Variants in NOL9 observed in about 807,000 individuals in gnomAD.
NOL9 encodes the protein nucleolar protein 9.
A neutral mutation model predicts 67.9 loss-of-function variants in NOL9; 28 were observed. The observed-to-expected ratio is 0.41, with a 90% confidence interval of 0.31 to 0.57. NOL9 has a LOEUF of 0.57. NOL9 is among the 20% of genes least tolerant of loss of function. The pLI is 0.25. For synonymous variants in NOL9, 356 were observed against 352.2 expected, an observed-to-expected ratio of 1.01 and a Z score of -0.12; for missense variants, 777 against 897.0, an observed-to-expected ratio of 0.87 and a Z score of 1.71.
At chr1:6,535,231 T>C (rs946769948) in intron 6 of NOL9, among the ~76,000 whole-genome samples, 2 of 152,136 alleles carry the variant, frequency 1.3e-5, no homozygotes, top group Non-Finnish European at 2.9e-5. Flanking sequence ...ACTGAGGGGA[T>C]CTAGAAACAA....
intron 6 of NOL9, among the ~76,000 whole-genome samples, chr1:6,535,100 G>A (rs1228621170): frequency 2.6e-5 from 4 of 152,164 alleles, no homozygotes; most frequent in South Asian, 4.1e-4. Context: ...ATGAAGCACC[G>A]TGCCTGGTTT....
Position 6,554,470 on chromosome 1 carries a change from A to G in NOL9, c.33T>C (p.Gly11=). 6.5e-7 allele frequency: 1 copy of G among 1,549,734 alleles called. No individual in the cohort carries two copies. The highest frequency in any genetic ancestry group is 8.6e-7 in the Non-Finnish European group (1 of 1,160,460). Residue 11 remains glycine, a synonymous_variant, in exon 1 of 12, where the codon GGT becomes GGC. Transcript: ENST00000377705. ...CCCGCAGCCAAGTGGAACGGCAGGA[A>G]CCCCGCTTTAGCAGCAGTCCCGAGT... MADSGLLLKR[G]SCRSTWLRVR...
chr1:6,530,816 T>C (rs1172489435), intron 9 of NOL9, among the ~76,000 whole-genome samples: 1 of 152,224 alleles, frequency 6.6e-6, no homozygotes, highest in East Asian at 1.9e-4. Context: ...CTTCGCAGAG[T>C]GCCTGGCACA....
At chr1:6,540,372 T>A (rs754230265) in intron 6 of NOL9, among the ~76,000 whole-genome samples, 9 of 152,076 alleles carry the variant, frequency 5.9e-5, no homozygotes, top group Non-Finnish European at 1.3e-4. Flanking sequence ...TCCACCCGCC[T>A]TGGTCTCCCA....
In NOL9 at chr1:6,554,276, C is replaced by G; in HGVS notation, c.227G>C (p.Arg76Pro). 4.1e-6 allele frequency: 6 copies of G among 1,473,590 alleles called. No individual in the cohort carries two copies. Among genetic ancestry groups the G allele is most frequent in the South Asian group, 4.0e-5 (3 of 74,196 alleles). 91.3% of individuals were successfully genotyped at this position (1,473,590 alleles called of 1,614,324 possible). The change falls in exon 1 of 12, where the codon CGG (arginine) becomes CCG (proline). Residue 76 changes from arginine (R) to proline (P), a missense_variant. Coordinates refer to ENST00000377705, the MANE Select transcript of NOL9 (RefSeq NM_024654.5). ...ARQVSRAAAA[R>P]RPNTATPSPI... ...GCTGGGGGTCGCGGTGTTGGGTCTC[C>G]GGGCCGCCGCCGCGCGCGACACCTG... is the stretch of plus-strand genomic sequence containing the variant.
chr1:6,549,084 AAACAAAG>A (rs1639484809), intron 3 of NOL9, among the ~76,000 whole-genome samples: 1 of 151,960 alleles, frequency 6.6e-6, no homozygotes. Context: ...GTCCATCTCA[AAACAAAG>A]AACAAAAAAA....
chr1:6,532,794 C>T (rs747817018), intron 7 of NOL9, 34 bp from the exon 8 acceptor site: 1 of 1,571,326 alleles, frequency 6.4e-7, no homozygotes, highest in South Asian at 1.2e-5. Flanking sequence ...AGCTGATACA[C>T]TCAAGAACAG....
chr1:6,545,269 C>CTTG, intron 3 of NOL9, 89 bp from the exon 4 acceptor site: 1 of 1,326,952 alleles, frequency 7.5e-7, no homozygotes, highest in Non-Finnish European at 1.0e-6. Context: ...AGTTGTGAGC[C>CTTG]AGAGAAGATA....
chr1:6,552,835 G>A (rs1639572297), intron 1 of NOL9, among the ~76,000 whole-genome samples: 1 of 151,302 alleles, frequency 6.6e-6, no homozygotes, highest in Non-Finnish European at 1.5e-5. Flanking sequence ...CTTTCGAGAC[G>A]GAGTCTCACT....
At position 6,532,506 on chromosome 1, in the gene NOL9, C is replaced by T; in HGVS notation, c.1492G>A (p.Gly498Ser). The T allele has an allele frequency of 6.2e-7, 1 of 1,614,116 alleles. No homozygotes were observed. Among genetic ancestry groups the T allele is most frequent in the Middle Eastern group, 1.6e-4 (1 of 6,062 alleles). The change falls in exon 8 of 12, where the codon GGT (glycine) becomes AGT (serine). Residue 498 changes from glycine (G) to serine (S), a missense_variant. Physicochemically the swap from Gly to Ser is moderately conservative, Grantham distance 56. Transcript: ENST00000377705. Reference sequence around the variant, plus strand: ...CTGAATGCAAAGTCTGTATAAACACCTATCAGTTTATGTCCAGTGAACTCA... The same window carrying T: ...CTGAATGCAAAGTCTGTATAAACACTTATCAGTTTATGTCCAGTGAACTCA... ...PVEFTGHKLI[G>S]VYTDFAFRIT...
chr1:6,554,493 A>G lies in NOL9; in HGVS notation c.10T>C (p.Ser4Pro). MADSGLLLKRGSCR... is the reference protein window; with the variant it reads MADPGLLLKRGSCR... ...GAACCCCGCTTTAGCAGCAGTCCCG[A>G]GTCCGCCATGCTGGGTCCTCAGGGC... Residue 4 changes from serine (S) to proline (P), a missense_variant, in exon 1 of 12, where the codon TCG becomes CCG. By Grantham distance (74) the Ser-to-Pro change is moderately conservative. Around this residue, in one of 2 missense-constraint regions of NOL9, gnomAD observed 364 missense variants for 344.4 expected, o/e 1.06. Coordinates refer to ENST00000377705, the MANE Select transcript of NOL9 (RefSeq NM_024654.5). 1 of 1,541,416 alleles carries G rather than the reference A, an allele frequency of 6.5e-7. No individual in the cohort carries two copies. Among genetic ancestry groups the G allele is most frequent in the South Asian group, 1.2e-5 (1 of 85,052 alleles).
chr1:6,529,321 T>A, intron 9 of NOL9, 150 bp from the exon 10 acceptor site: 1 of 721,276 alleles, frequency 1.4e-6, no homozygotes, highest in Non-Finnish European at 2.3e-6. Context: ...CCAGGCACAG[T>A]GGCTCACGCA....
Position 6,521,563 on chromosome 1 carries a change from G to T in NOL9, c.*4291C>A, listed in dbSNP as rs1228060016. 6.6e-6 allele frequency: 1 copy of T among 152,188 alleles called. No homozygotes were observed. Among genetic ancestry groups the T allele is most frequent in the East Asian group, 1.9e-4 (1 of 5,202 alleles). The allele number at this position is 152,188 out of a possible 1,614,324, so 9.4% of individuals were successfully genotyped here. On this transcript the variant is annotated 3_prime_UTR_variant, in exon 12 of 12. Coordinates refer to ENST00000377705, the MANE Select transcript of NOL9 (RefSeq NM_024654.5). ...AAAATTTTAAAAGCAACAAGTGGGG[G>T]TTTATGAAAAACTTTCAGGAATGGG...
intron 6 of NOL9, among the ~76,000 whole-genome samples, chr1:6,537,647 TGAAACA>T (rs1219311711): frequency 1.3e-5 from 2 of 152,148 alleles, no homozygotes; most frequent in African/African-American, 4.8e-5. Context: ...TGTACACTGA[TGAAACA>T]GAAACGGAAC....
At chr1:6,553,441 C>T (rs1191177731) in intron 1 of NOL9, among the ~76,000 whole-genome samples, 1 of 152,154 alleles carries the variant, frequency 6.6e-6, no homozygotes, top group Non-Finnish European at 1.5e-5. Context: ...CGTAAGAGAG[C>T]TGGATGTTTA....
chr1:6,526,618 C>A, intron 11 of NOL9, 78 bp downstream of exon 11: 1 of 1,437,352 alleles, frequency 7.0e-7, no homozygotes, highest in Non-Finnish European at 9.4e-7. Flanking sequence ...TTCCCATGAC[C>A]CCTGACCCTA....
rs756660834 is a variant in NOL9 at position 6,532,768 on chromosome 1, G to A, written c.1238-8C>T. 3 of 1,607,490 alleles carry A rather than the reference G, an allele frequency of 1.9e-6. No homozygotes were observed. Among genetic ancestry groups the A allele is most frequent in the Admixed American group, 3.4e-5 (2 of 59,056 alleles). ...GAAGCAGGAGCCCCTGGTCTGTGGG[G>A]AAGAGACATTAGCACAGCTGATACA... is the stretch of plus-strand genomic sequence containing the variant. On this transcript the variant is annotated splice_region_variant and splice_polypyrimidine_tract_variant and intron_variant, in intron 7 of 11. Coordinates refer to ENST00000377705, the MANE Select transcript of NOL9 (RefSeq NM_024654.5).
intron 3 of NOL9, among the ~76,000 whole-genome samples, chr1:6,549,028 G>A (rs1432766658): frequency 6.6e-6 from 1 of 152,148 alleles, no homozygotes; most frequent in African/African-American, 2.4e-5. Context: ...GGTGCAGTGA[G>A]CCGAGAGATC....
chr1:6,529,372 C>T (rs1014718956), intron 9 of NOL9, among the ~76,000 whole-genome samples: 4 of 152,092 alleles, frequency 2.6e-5, no homozygotes, highest in African/African-American at 7.2e-5. Context: ...GGGTGGATCA[C>T]GAGGTCAGGA....
Sources: gnomAD v4.1 joint callset for allele counts (sites outside exome capture counted in the v4.1 genomes callset) on GRCh38, gnomAD v4.1.1 for gene constraint, gnomAD v4.1.1 regional missense constraint, MANE v1.5 for transcripts, NCBI Gene and HGNC (gene_info 2026-07-23, HGNC 2026-07-21) for gene names.